RBMX2: variants seen among roughly 807,000 people sequenced by gnomAD.
RBMX2 encodes RNA-binding motif protein, X-linked 2.
For synonymous variants in RBMX2, 77 were observed against 94.3 expected (o/e 0.82, Z 1.07); for missense variants, 191 against 256.0 (o/e 0.75, Z 1.73).
chrX:130,412,805 G>A lies in RBMX2; in HGVS notation c.926G>A (p.Arg309Gln), dbSNP rs1253652344. The A allele has an allele frequency of 1.7e-6, 2 of 1,210,580 alleles. No homozygotes were observed. Among genetic ancestry groups the A allele is most frequent in the East Asian group, 3.0e-5 (1 of 33,834 alleles). ...AGGCATAAAAGGGCCCGACGCTCCCGGGAGCGGGAGTCTTCGAATCCCAGT... is the reference window on the plus strand; with the variant it reads ...AGGCATAAAAGGGCCCGACGCTCCCAGGAGCGGGAGTCTTCGAATCCCAGT... ...SHRHKRARRS[R>Q]ERESSNPSDR... The change falls in exon 6 of 6, where the codon CGG (arginine) becomes CAG (glutamine). Residue 309 changes from arginine to glutamine, a missense_variant. Arg to Gln is a conservative substitution (Grantham distance 43, BLOSUM62 1). Coordinates refer to ENST00000305536, the MANE Select transcript of RBMX2 (RefSeq NM_016024.4).
intron 1 of RBMX2, 30 bp from the exon 2 acceptor site, chrX:130,402,225 A>AACCCCCCCC: frequency 1.0e-6 from 1 of 984,776 alleles, no homozygotes; most frequent in Non-Finnish European, 1.4e-6. Flanking sequence ...TTTTCTGCCT[A>AACCCCCCCC]CCCTCCCCAC....
In RBMX2 at chrX:130,412,414, G is replaced by A. The variant is rs1476865926; in HGVS notation, c.535G>A (p.Val179Ile). ...AGAAAAAGAGAAAGCCGACCGGGAG[G>A]TACAGGCAGAGCAACCATCCTCTTC... Reference protein sequence around the residue: ...KKEKEKADREVQAEQPSSSSP... With the variant: ...KKEKEKADREIQAEQPSSSSP... The change falls in exon 6 of 6, where the codon GTA (valine) becomes ATA (isoleucine). Residue 179 changes from valine (V) to isoleucine (I), a missense_variant. Val to Ile is a conservative substitution (Grantham distance 29). Transcript: ENST00000305536. 5 of 1,205,499 alleles carry A rather than the reference G, an allele frequency of 4.1e-6. No homozygotes were observed. The South Asian group carries it at 5.4e-5, about 13-fold the overall frequency.
At position 130,411,337 on chromosome X, in the gene RBMX2, G is replaced by A. The variant is rs781649404; in HGVS notation, c.304-11G>A. On this transcript the variant is annotated splice_polypyrimidine_tract_variant and intron_variant, in intron 4 of 5. Coordinates refer to ENST00000305536, the MANE Select transcript of RBMX2 (RefSeq NM_016024.4). ...GGCTGTCTTCACTGAAGCATCGCCT[G>A]TCTTGCTTAGATCAAAGGAAGAACT... The A allele has an allele frequency of 2.5e-5, 29 of 1,167,371 alleles. No individual in the cohort carries two copies. Among genetic ancestry groups the A allele is most frequent in the Non-Finnish European group, 3.3e-5 (29 of 873,456 alleles).
intron 1 of RBMX2, 31 bp from the exon 2 acceptor site, chrX:130,402,224 T>TTCCCCCCCCC: frequency 8.5e-7 from 1 of 1,174,327 alleles, no homozygotes; most frequent in Non-Finnish European, 1.1e-6. Flanking sequence ...CTTTTCTGCC[T>TTCCCCCCCCC]ACCCTCCCCA....
intron 3 of RBMX2, among the ~76,000 whole-genome samples, chrX:130,409,023 CAT>C (rs1044863205): frequency 3.6e-5 from 4 of 111,879 alleles, no homozygotes; most frequent in Admixed American, 9.5e-5. Context: ...TTCTTAGTCT[CAT>C]GTGATATTTT....
chrX:130,404,011 C>T (rs1009800517), intron 3 of RBMX2, 158 bp downstream of exon 3: 2 of 515,327 alleles, frequency 3.9e-6, no homozygotes, highest in Admixed American at 5.7e-5. Context: ...AGTCCCAGGA[C>T]ATGGTTCTAG....
intron 1 of RBMX2, 88 bp downstream of exon 1, chrX:130,402,125 C>T: frequency 8.6e-7 from 1 of 1,167,924 alleles, no homozygotes; most frequent in Non-Finnish European, 1.1e-6. Flanking sequence ...TCTGCGGGGC[C>T]GAGGGGCGGG....
chrX:130,402,226 C>CCCCA, intron 1 of RBMX2, 29 bp from the exon 2 acceptor site: 8 of 835,636 alleles, frequency 9.6e-6, no homozygotes, highest in African/African-American at 2.1e-5. Context: ...TTTCTGCCTA[C>CCCCA]CCTCCCCACC....
At chrX:130,406,631 C>T (rs1429145110) in intron 3 of RBMX2, among the ~76,000 whole-genome samples, 1 of 103,922 alleles carries the variant, frequency 9.6e-6, no homozygotes, top group African/African-American at 3.6e-5. Flanking sequence ...TGAGATAGTA[C>T]CATTGCACTC....
chrX:130,407,940 G>A (rs148603900), intron 3 of RBMX2, among the ~76,000 whole-genome samples: 117 of 111,323 alleles, frequency 1.1e-3, no homozygotes, highest in African/African-American at 3.7e-3. Flanking sequence ...TATTATGCAC[G>A]TGAGCCACCG....
In RBMX2 at chrX:130,412,343, C is replaced by T. The variant is rs1284602391; in HGVS notation, c.482-18C>T. 1 of 1,068,860 alleles carries T rather than the reference C, an allele frequency of 9.4e-7. No individual in the cohort carries two copies. Among genetic ancestry groups the T allele is most frequent in the Non-Finnish European group, 1.2e-6 (1 of 816,062 alleles). 88.1% of individuals were successfully genotyped at this position (1,068,860 alleles called of 1,213,427 possible). The stretch of plus-strand genomic sequence containing the variant: ...TTTTCCCTTTTCTTATTTACTGCTT[C>T]TTTCTTTTATCCTCCAGACAAAAAG... On this transcript the variant is annotated intron_variant, in intron 5 of 5. Coordinates refer to ENST00000305536, the MANE Select transcript of RBMX2 (RefSeq NM_016024.4).
chrX:130,405,150 G>T (rs752707341), intron 3 of RBMX2, among the ~76,000 whole-genome samples: 9 of 111,441 alleles, frequency 8.1e-5, no homozygotes, highest in Non-Finnish European at 1.3e-4. Context: ...AGGCTGAGGT[G>T]GGCAGATCAC....
chrX:130,403,718 A>AC, intron 2 of RBMX2, 84 bp from the exon 3 acceptor site: 1 of 900,288 alleles, frequency 1.1e-6, no homozygotes, highest in Non-Finnish European at 1.6e-6. Flanking sequence ...TACTGTTTCC[A>AC]CCCCTAGTGC....
At chrX:130,403,653 G>A in intron 2 of RBMX2, 149 bp from the exon 3 acceptor site, 14 of 527,330 alleles carry the variant, frequency 2.7e-5, no homozygotes, top group South Asian at 3.1e-5. Context: ...GATTACAGGC[G>A]TGAGCCACGG....
In RBMX2 at chrX:130,404,317, A is replaced by G. The variant is rs146141574; in HGVS notation, c.173+464A>G. 2.9e-4 allele frequency: 34 copies of G among 118,457 alleles called. No individual in the cohort carries two copies. In the East Asian group the frequency reaches 8.1e-3, roughly 28 times the overall value. 9.8% of individuals were successfully genotyped at this position (118,457 alleles called of 1,213,427 possible). On this transcript the variant is annotated intron_variant, in intron 3 of 5. Coordinates refer to ENST00000305536, the MANE Select transcript of RBMX2 (RefSeq NM_016024.4). ...GAGTGTAAGGTTAGTGAGCAAAGGC[A>G]ATCTCTGCCTGGAGGCTGAGAATCA... is the stretch of plus-strand genomic sequence containing the variant.
In RBMX2 at chrX:130,412,468, A is replaced by G; in HGVS notation, c.589A>G (p.Lys197Glu). ...ACCCAGACGCAAGACAGTAAAGGAA[A>G]AGGATGACACTGGCCCTAAGAAGCA... ...SSPRRKTVKE[K>E]DDTGPKKHSS... Residue 197 changes from lysine (K) to glutamate (E), a missense_variant, in exon 6 of 6, where the codon AAG becomes GAG. Transcript: ENST00000305536. The G allele has an allele frequency of 2.5e-6, 3 of 1,210,578 alleles. No homozygotes were observed. The highest frequency in any genetic ancestry group is 3.4e-6 in the Non-Finnish European group (3 of 895,166).
intron 3 of RBMX2, among the ~76,000 whole-genome samples, chrX:130,408,421 C>T (rs894708425): frequency 8.9e-6 from 1 of 112,344 alleles, no homozygotes; most frequent in African/African-American, 3.2e-5. Flanking sequence ...CTGAGTATGA[C>T]GTTAGCCACA....
chrX:130,402,229 T>TCCCCCCCCCCCCC, intron 1 of RBMX2, 26 bp from the exon 2 acceptor site: 4 of 723,005 alleles, frequency 5.5e-6, no homozygotes, highest in Admixed American at 3.4e-5. Context: ...CTGCCTACCC[T>TCCCCCCCCCCCCC]CCCCACCCCC....
intron 3 of RBMX2, chrX:130,404,587 A>G (rs1288558348): frequency 8.9e-6 from 1 of 112,678 alleles, no homozygotes; most frequent in Non-Finnish European, 1.9e-5. Context: ...CCTTGGAAGC[A>G]TAGTACTGTT....
Sources: gnomAD v4.1 joint callset for allele counts (sites outside exome capture counted in the v4.1 genomes callset) on GRCh38, gnomAD v4.1.1 for gene constraint, MANE v1.5 for transcripts, NCBI Gene and HGNC (gene_info 2026-07-23, HGNC 2026-07-21) for gene names.